The following PRKCQ variants were observed in gnomAD, a reference collection of about 807,000 sequenced individuals.
PRKCQ encodes protein kinase C theta.
Under a neutral mutation model 91.2 loss-of-function variants are expected in PRKCQ, and 41 were observed. The ratio of observed to expected loss-of-function variants is 0.45; its 90% confidence interval spans 0.35 to 0.58. PRKCQ has a LOEUF of 0.58. PRKCQ is among the 20% of genes least tolerant of loss of function. PRKCQ has a pLI of 0.00. For synonymous variants in PRKCQ, 307 were observed against 316.9 expected (o/e 0.97, Z 0.33); for missense variants, 673 against 896.5 (o/e 0.75, Z 3.18).
At chr10:6,509,078 T>G (rs1432260194) in intron 3 of PRKCQ, among the ~76,000 whole-genome samples, 1 of 151,456 alleles carries the variant, frequency 6.6e-6, no homozygotes, top group Non-Finnish European at 1.5e-5. Flanking sequence ...GGCAAAAAAA[T>G]AAAAAAGAAA....
intron 1 of PRKCQ, among the ~76,000 whole-genome samples, chr10:6,542,445 G>A (rs1839808926): frequency 6.6e-6 from 1 of 152,216 alleles, no homozygotes; most frequent in Admixed American, 6.5e-5. Flanking sequence ...ATGGATTTTA[G>A]ACAAGAGCTG....
At chr10:6,459,428 G>T (rs1382943911) in intron 14 of PRKCQ, among the ~76,000 whole-genome samples, 1 of 152,116 alleles carries the variant, frequency 6.6e-6, no homozygotes, top group Admixed American at 6.5e-5. Flanking sequence ...TGCACATCCA[G>T]AGCACACATG....
At position 6,497,149 on chromosome 10, in the gene PRKCQ, A is replaced by T. The variant is rs1400383187; in HGVS notation, c.575-29T>A. On this transcript the variant is annotated intron_variant, in intron 6 of 17. Coordinates refer to ENST00000263125, the MANE Select transcript of PRKCQ (RefSeq NM_006257.5). This position sits in a 1 kb window ranked among gnomAD's most constrained non-coding sequence, Gnocchi z 4.5. ...AAAAGAAGAAAAAAATCACAGCTTAAGATTTTCATAGCCTAAGGAATAACT... is the reference window on the plus strand; with the variant it reads ...AAAAGAAGAAAAAAATCACAGCTTATGATTTTCATAGCCTAAGGAATAACT... The T allele has an allele frequency of 6.2e-7, 1 of 1,613,608 alleles. No homozygotes were observed. Among genetic ancestry groups the T allele is most frequent in the African/African-American group, 1.3e-5 (1 of 74,918 alleles).
intron 15 of PRKCQ, among the ~76,000 whole-genome samples, chr10:6,442,683 C>T (rs6602699): frequency 0.29 from 43,488 of 152,054 alleles, 7,564 homozygotes; most frequent in Middle Eastern, 0.44. Context: ...AAATCTAGGC[C>T]GGGTGCAGTG....
intron 15 of PRKCQ, among the ~76,000 whole-genome samples, chr10:6,444,684 A>G (rs983000965): frequency 2.3e-5 from 3 of 133,064 alleles, no homozygotes; most frequent in African/African-American, 5.7e-5. Flanking sequence ...AGCTGGGTGC[A>G]TCTGTGAACA....
chr10:6,440,846 T>A (rs1018774234), intron 16 of PRKCQ, among the ~76,000 whole-genome samples: 6 of 152,014 alleles, frequency 3.9e-5, no homozygotes, highest in South Asian at 2.1e-4. Flanking sequence ...AAAATTTAGG[T>A]GAGTGTGGTC....
At chr10:6,488,108 A>G (rs1837034677) in intron 8 of PRKCQ, among the ~76,000 whole-genome samples, 1 of 152,162 alleles carries the variant, frequency 6.6e-6, no homozygotes, top group Admixed American at 6.5e-5. Context: ...GAGTGTTGTA[A>G]TAGAAGCAGG....
the PRKCQ span, among the ~76,000 whole-genome samples, chr10:6,413,474 TCACACACACACACACA>T: frequency 3.3e-5 from 4 of 120,206 alleles, no homozygotes; most frequent in African/African-American, 7.5e-5. Flanking sequence ...AAAAATTATG[TCACACACACACACACA>T]CACACACACA....
At chr10:6,411,061 C>A in the PRKCQ span, among the ~76,000 whole-genome samples, 2 of 151,640 alleles carry the variant, frequency 1.3e-5, no homozygotes, top group Non-Finnish European at 2.9e-5. Flanking sequence ...AGCTAGCACG[C>A]TGATCTTTGA....
intron 15 of PRKCQ, among the ~76,000 whole-genome samples, chr10:6,447,540 G>A (rs1834381739): frequency 6.6e-6 from 1 of 152,184 alleles, no homozygotes; most frequent in South Asian, 2.1e-4. Context: ...GAACAGTGGG[G>A]CTTTTGAGAC....
chr10:6,434,463 C>T (rs1333305951), intron 16 of PRKCQ, among the ~76,000 whole-genome samples: 1 of 152,202 alleles, frequency 6.6e-6, no homozygotes, highest in South Asian at 2.1e-4. Flanking sequence ...CAGTTTTGCA[C>T]AGAACGGTAA....
At chr10:6,523,647 A>G (rs1048521319) in intron 1 of PRKCQ, among the ~76,000 whole-genome samples, 25 of 152,134 alleles carry the variant, frequency 1.6e-4, no homozygotes, top group Admixed American at 2.6e-4. Context: ...CCCCCAAAAA[A>G]CCAACAATAG....
At chr10:6,415,439 T>C in the PRKCQ span, among the ~76,000 whole-genome samples, 1 of 46,834 alleles carries the variant, frequency 2.1e-5, no homozygotes, top group Non-Finnish European at 5.2e-5. Flanking sequence ...TATATATATA[T>C]ATATATATAT....
At position 6,430,818 on chromosome 10, in the gene PRKCQ, G is replaced by A. The variant is rs1206409418; in HGVS notation, c.1957C>T (p.Pro653Ser). ...CATGAGCGAGTCCTTACCACTTTCG[G>A]CCGGAACGGTGGGTCAATCTCCTTC... is the stretch of plus-strand genomic sequence containing the variant. Reference protein sequence around the residue: ...ERKEIDPPFRPKVKSPFDCSN... With the variant: ...ERKEIDPPFRSKVKSPFDCSN... Residue 653 changes from proline to serine, a missense_variant, in exon 17 of 18, where the codon CCG (proline) becomes TCG (serine). By Grantham distance (74) the Pro-to-Ser change is moderately conservative. Coordinates refer to ENST00000263125, the MANE Select transcript of PRKCQ (RefSeq NM_006257.5). The surrounding 1 kb of genome is among the most constrained non-coding windows in gnomAD (Gnocchi z 4.7). The A allele has an allele frequency of 6.2e-7, 1 of 1,613,858 alleles. No individual in the cohort carries two copies. Among genetic ancestry groups the A allele is most frequent in the African/African-American group, 1.3e-5 (1 of 74,906 alleles).
At chr10:6,486,185 C>T in intron 8 of PRKCQ, 41 bp from the exon 9 acceptor site, 2 of 1,519,306 alleles carry the variant, frequency 1.3e-6, no homozygotes, top group Admixed American at 3.4e-5. Context: ...AGTGGAAGAA[C>T]CCCCTGGTGC....
chr10:6,483,319 A>C, intron 11 of PRKCQ, 121 bp downstream of exon 11: 1 of 1,313,962 alleles, frequency 7.6e-7, no homozygotes, highest in Non-Finnish European at 1.1e-6. Flanking sequence ...TCCCTCAGGA[A>C]AGCTGTCTCT....
intron 12 of PRKCQ, among the ~76,000 whole-genome samples, chr10:6,477,088 A>C (rs1000218589): frequency 6.6e-6 from 1 of 152,114 alleles, no homozygotes; most frequent in Non-Finnish European, 1.5e-5. Context: ...TGACCAGGAC[A>C]CCTCACTCTT....
the PRKCQ span, among the ~76,000 whole-genome samples, chr10:6,417,664 C>T: frequency 6.6e-6 from 1 of 152,138 alleles, no homozygotes; most frequent in African/African-American, 2.4e-5. Context: ...CTTAGCTGGA[C>T]GATAGAGTGG....
intron 11 of PRKCQ, among the ~76,000 whole-genome samples, chr10:6,482,290 G>C (rs910674872): frequency 6.6e-6 from 1 of 152,076 alleles, no homozygotes; most frequent in Non-Finnish European, 1.5e-5. Context: ...CAATATGACT[G>C]GTGTTTTCAC....
Sources: allele counts gnomAD v4.1 joint callset (sites outside exome capture counted in the v4.1 genomes callset), GRCh38; gene constraint gnomAD v4.1.1; non-coding constraint Gnocchi (gnomAD v3.1); transcripts MANE v1.5; gene names NCBI Gene and HGNC (gene_info 2026-07-23, HGNC 2026-07-21).